The following ZNF483 variants were observed in gnomAD, a reference collection of about 807,000 sequenced individuals.
ZNF483 encodes the protein zinc finger protein 483.
In ZNF483, 9 loss-of-function variants were observed where a neutral mutation model predicts 28.6. That is an observed-to-expected ratio of 0.32 (90% CI 0.19 to 0.55). ZNF483 has a LOEUF of 0.55. Ranked by LOEUF, ZNF483 falls within the 20% of genes least tolerant of loss-of-function variation. The pLI, the probability that ZNF483 is intolerant of heterozygous loss-of-function variation, is 0.93. For synonymous variants in ZNF483, 322 were observed against 306.2 expected (o/e 1.05, Z -0.54); for missense variants, 675 against 871.7 (o/e 0.77, Z 2.84).
rs1189691699 is a variant in ZNF483 at position 111,546,737 on chromosome 9, A to AT, written c.*3570dup. On this transcript the variant is annotated 3_prime_UTR_variant, in exon 6 of 6. Coordinates refer to ENST00000309235, the MANE Select transcript of ZNF483 (RefSeq NM_133464.5). ...CTTTTTGGTTATACAGCTCAATAGC[A>AT]TTTAGATAGATGCACATTTTGTGCA... Among the ~76,000 whole-genome samples, 2 of 152,208 alleles carry AT rather than the reference A, an allele frequency of 1.3e-5. No individual in the cohort carries two copies. Among genetic ancestry groups the AT allele is most frequent in the African/African-American group, 4.8e-5 (2 of 41,468 alleles).
Position 111,526,491 on chromosome 9 carries a change from A to G in ZNF483, c.-128-777A>G, listed in dbSNP as rs1827189200. ...TGGCCACAGTGTGAGACTGGAGTGA[A>G]GAACCCTGTACTTAGGCAGTTTCAG... On this transcript the variant is annotated intron_variant, in intron 1 of 5. Coordinates refer to ENST00000309235, the MANE Select transcript of ZNF483 (RefSeq NM_133464.5). Among the ~76,000 whole-genome samples the G allele has an allele frequency of 2.0e-5, 3 of 152,198 alleles. No individual in the cohort carries two copies. The South Asian group carries it at 6.2e-4, about 31-fold the overall frequency.
chr9:111,576,542 G>A (rs902850895), exon 6 of ZNF483: 1 of 1,245,848 alleles, frequency 8.0e-7, no homozygotes, highest in Non-Finnish European at 1.1e-6. Flanking sequence ...AACTCTGGGG[G>A]TATTAGCTAG....
In ZNF483 at chr9:111,552,099, C is replaced by T. The variant is rs1377887280; in HGVS notation, c.*8929C>T. ...TCAAATTTAGCTTGTTCATATGCAG[C>T]GTGATATTAGGGAGAAAATGTGAAT... On this transcript the variant is annotated 3_prime_UTR_variant, in exon 6 of 6. Coordinates refer to ENST00000309235, the MANE Select transcript of ZNF483 (RefSeq NM_133464.5). Among the ~76,000 whole-genome samples, 1 of 152,086 alleles carries T rather than the reference C, an allele frequency of 6.6e-6. No homozygotes were observed. Among genetic ancestry groups the T allele is most frequent in the African/African-American group, 2.4e-5 (1 of 41,408 alleles).
rs138152429 is a variant in ZNF483 at position 111,545,432 on chromosome 9, C to T, written c.*2262C>T. On this transcript the variant is annotated 3_prime_UTR_variant, in exon 6 of 6. Transcript: ENST00000309235. ...TTTTTTAAAGGAATTTATTGAGGTA[C>T]AAATTACATATCATTAAAACCATTT... is the stretch of plus-strand genomic sequence containing the variant. 1.1e-4 allele frequency among the ~76,000 whole-genome samples: 16 copies of T among 152,108 alleles called. No homozygotes were observed. In the East Asian group the frequency reaches 3.1e-3, roughly 29 times the overall value.
At chr9:111,525,612 C>G (rs1312705242) in intron 1 of ZNF483, among the ~76,000 whole-genome samples, 1 of 152,270 alleles carries the variant, frequency 6.6e-6, no homozygotes, top group African/African-American at 2.4e-5. Context: ...TCGAGCTAAC[C>G]AAAAATGTGT....
intron 5 of ZNF483, among the ~76,000 whole-genome samples, chr9:111,535,180 G>C (rs1043487543): frequency 6.6e-6 from 1 of 152,240 alleles, no homozygotes; most frequent in African/African-American, 2.4e-5. Context: ...TGTGAATGCA[G>C]TGTTGGATTC....
At chr9:111,533,979 A>G in intron 4 of ZNF483, 114 bp downstream of exon 4, 5 of 1,257,722 alleles carry the variant, frequency 4.0e-6, no homozygotes, top group Non-Finnish European at 5.6e-6. Flanking sequence ...GGACCCAGGG[A>G]CTGATAGGAC....
At chr9:111,562,476 A>G (rs1828357789) in intron 5 of ZNF483, 1 of 151,890 alleles carries the variant, frequency 6.6e-6, no homozygotes, top group Non-Finnish European at 1.5e-5. Context: ...GTGTTTCACC[A>G]TGTTGGTCAG....
intron 3 of ZNF483, among the ~76,000 whole-genome samples, chr9:111,532,195 G>C (rs1827365156): frequency 6.6e-6 from 1 of 152,072 alleles, no homozygotes; most frequent in South Asian, 2.1e-4. Flanking sequence ...TGTGGTCTCA[G>C]CTACCCGGGA....
chr9:111,531,047 G>A, intron 3 of ZNF483, 84 bp downstream of exon 3: 1 of 563,660 alleles, frequency 1.8e-6, no homozygotes, highest in Non-Finnish European at 2.8e-6. Context: ...AAAAATAAAA[G>A]GCTAGGCACG....
intron 5 of ZNF483, among the ~76,000 whole-genome samples, chr9:111,535,502 T>G (rs989000052): frequency 6.6e-6 from 1 of 152,232 alleles, no homozygotes; most frequent in Non-Finnish European, 1.5e-5. Context: ...TTTTAATATC[T>G]GGAAAACATT....
chr9:111,534,081 C>T (rs938640977), intron 4 of ZNF483, among the ~76,000 whole-genome samples, 180 bp from the exon 5 acceptor site: 1 of 152,178 alleles, frequency 6.6e-6, no homozygotes, highest in Non-Finnish European at 1.5e-5. Flanking sequence ...TGTGAAGCAT[C>T]ATTTTGATTT....
intron 1 of ZNF483, among the ~76,000 whole-genome samples, chr9:111,526,854 C>T (rs1385915484): frequency 6.6e-6 from 1 of 152,142 alleles, no homozygotes; most frequent in Non-Finnish European, 1.5e-5. Flanking sequence ...AATCCTGACA[C>T]TTTGGGAGGC....
intron 5 of ZNF483, chr9:111,574,896 G>A: frequency 7.3e-7 from 1 of 1,364,084 alleles, no homozygotes; most frequent in East Asian, 2.3e-5. Context: ...AGAGATTCAG[G>A]AGAATCATTA....
In ZNF483 at chr9:111,544,261, C is replaced by G. The variant is rs1827749354; in HGVS notation, c.*1091C>G. 1.0e-6 allele frequency: 1 copy of G among 985,242 alleles called. No homozygotes were observed. Among genetic ancestry groups the G allele is most frequent in the South Asian group, 4.7e-5 (1 of 21,288 alleles). 61.0% of individuals were successfully genotyped at this position (985,242 alleles called of 1,614,324 possible). ...TACTTTAAAACAATTTTGCCTGTAGCAAGTACATTTTTTTGCAATTGGAGT... is the reference window on the plus strand; with the variant it reads ...TACTTTAAAACAATTTTGCCTGTAGGAAGTACATTTTTTTGCAATTGGAGT... On this transcript the variant is annotated 3_prime_UTR_variant, in exon 6 of 6. Coordinates refer to ENST00000309235, the MANE Select transcript of ZNF483 (RefSeq NM_133464.5).
At chr9:111,532,691 A>T (rs1202463439) in intron 3 of ZNF483, among the ~76,000 whole-genome samples, 1 of 152,216 alleles carries the variant, frequency 6.6e-6, no homozygotes, top group South Asian at 2.1e-4. Flanking sequence ...TACACGTACC[A>T]ATAGCCATTT....
chr9:111,570,095 A>C, intron 5 of ZNF483: 1 of 1,614,106 alleles, frequency 6.2e-7, no homozygotes, highest in South Asian at 1.1e-5. Flanking sequence ...CCTTACCTCT[A>C]AGACCCATTT....
At chr9:111,531,323 A>G (rs1827341002) in intron 3 of ZNF483, among the ~76,000 whole-genome samples, 1 of 152,220 alleles carries the variant, frequency 6.6e-6, no homozygotes, top group African/African-American at 2.4e-5. Context: ...ACTTACTAAA[A>G]TTCAGCAGTT....
intron 1 of ZNF483, 112 bp from the exon 2 acceptor site, chr9:111,527,156 C>A: frequency 2.8e-6 from 1 of 357,136 alleles, no homozygotes; most frequent in Non-Finnish European, 5.0e-6. Context: ...TTTTCTAGGC[C>A]TTTGCTGGTA....
Sources: gnomAD v4.1 joint callset for allele counts (sites outside exome capture counted in the v4.1 genomes callset) on GRCh38, gnomAD v4.1.1 for gene constraint, MANE v1.5 for transcripts, NCBI Gene and HGNC (gene_info 2026-07-23, HGNC 2026-07-21) for gene names.